Variants in DENND2A observed in about 807,000 individuals in gnomAD.
The protein encoded by DENND2A is DENN domain containing 2A.
DENND2A carries 53 observed loss-of-function variants against 105.3 expected under a neutral mutation model. The ratio of observed to expected loss-of-function variants is 0.50; its 90% CI spans 0.40 to 0.63. The LOEUF (loss-of-function observed/expected upper bound fraction) is 0.63, where lower values mean the gene tolerates loss of function less well. Ranked by LOEUF, DENND2A falls within the 30% of genes least tolerant of loss-of-function variation. The pLI is 0.00. For synonymous variants in DENND2A, 522 were observed against 508.4 expected (o/e 1.03, Z -0.36); for missense variants, 1,138 against 1,279.6 (o/e 0.89, Z 1.69).
intron 11 of DENND2A, among the ~76,000 whole-genome samples, chr7:140,556,650 C>T (rs994828663): frequency 6.6e-6 from 1 of 152,206 alleles, no homozygotes; most frequent in Non-Finnish European, 1.5e-5. Flanking sequence ...AGTCTCAATA[C>T]TTTAACCCTA....
At position 140,544,735 on chromosome 7, in the gene DENND2A, C is replaced by T. The variant is rs1454407510; in HGVS notation, c.2210G>A (p.Arg737Gln). 19 of 1,601,524 alleles carry T rather than the reference C, an allele frequency of 1.2e-5. No individual in the cohort carries two copies. Among genetic ancestry groups the T allele is most frequent in the Admixed American group, 3.5e-5 (2 of 56,924 alleles). Reference sequence around the variant, plus strand: ...AGACTCAAAGTCCACGTGCTCGAGCCGGGAGTCCAGCGGGCGGCACAGTTC... The same window carrying T: ...AGACTCAAAGTCCACGTGCTCGAGCTGGGAGTCCAGCGGGCGGCACAGTTC... ...VIELCRPLDSRLEHVDFESLF... is the reference protein window; with the variant it reads ...VIELCRPLDSQLEHVDFESLF... The change falls in exon 14 of 20, where the codon CGG becomes CAG. Residue 737 changes from arginine to glutamine, a missense_variant. Around this residue, in one of 2 missense-constraint regions of DENND2A, gnomAD observed 627 missense variants for 779.8 expected, o/e 0.80. Coordinates refer to ENST00000496613, the MANE Select transcript of DENND2A (RefSeq NM_015689.5).
At chr7:140,585,193 C>T (rs1164525479) in intron 5 of DENND2A, among the ~76,000 whole-genome samples, 3 of 152,112 alleles carry the variant, frequency 2.0e-5, no homozygotes, top group Non-Finnish European at 2.9e-5. Context: ...GCGACAACAC[C>T]CTGACTCAAT....
In DENND2A at chr7:140,523,476, G is replaced by T. The variant is rs756628386; in HGVS notation, c.2548-52C>A. On this transcript the variant is annotated intron_variant, in intron 16 of 19. Transcript: ENST00000496613. The surrounding 1 kb of genome is among the most constrained non-coding windows in gnomAD (Gnocchi z 4.5). ...TTATGGGCACGGTGGCTGCGTCTTGGCCATAGGACACACTGGAGCCACTGC... is the reference window on the plus strand; with the variant it reads ...TTATGGGCACGGTGGCTGCGTCTTGTCCATAGGACACACTGGAGCCACTGC... 2.6e-6 allele frequency: 4 copies of T among 1,522,796 alleles called. No homozygotes were observed. Among genetic ancestry groups the T allele is most frequent in the Non-Finnish European group, 3.6e-6 (4 of 1,100,164 alleles). The allele number at this position is 1,522,796 out of a possible 1,614,324, so 94.3% of individuals were successfully genotyped here.
intron 14 of DENND2A, among the ~76,000 whole-genome samples, chr7:140,529,004 T>C (rs1796161123): frequency 6.7e-6 from 1 of 149,186 alleles, no homozygotes. Context: ...ACTTAGGAGG[T>C]TGAGGTGGGA....
intron 3 of DENND2A, 129 bp from the exon 4 acceptor site, chr7:140,587,909 T>A: frequency 9.2e-7 from 1 of 1,081,370 alleles, no homozygotes; most frequent in South Asian, 2.0e-5. Flanking sequence ...GAAATCAACT[T>A]TTATTTTATT....
At chr7:140,573,500 T>C (rs1798177485) in intron 6 of DENND2A, among the ~76,000 whole-genome samples, 1 of 152,218 alleles carries the variant, frequency 6.6e-6, no homozygotes, top group Non-Finnish European at 1.5e-5. Context: ...GATGGAGTTC[T>C]GTTTTTTGTG....
chr7:140,587,478 AC>A (rs1261917709), intron 4 of DENND2A, among the ~76,000 whole-genome samples, 174 bp downstream of exon 4: 1 of 151,880 alleles, frequency 6.6e-6, no homozygotes, highest in Non-Finnish European at 1.5e-5. Flanking sequence ...CATATATCCC[AC>A]AAGGCTCACT....
At chr7:140,520,066 G>A (rs1795799549) in intron 18 of DENND2A, among the ~76,000 whole-genome samples, 4 of 152,152 alleles carry the variant, frequency 2.6e-5, no homozygotes, top group African/African-American at 9.6e-5. Flanking sequence ...CACTTTGGGA[G>A]GCTGAGGTGG....
intron 1 of DENND2A, among the ~76,000 whole-genome samples, chr7:140,633,982 G>T (rs959370840): frequency 7.9e-5 from 12 of 151,560 alleles, no homozygotes; most frequent in African/African-American, 2.9e-4. Flanking sequence ...ATGGAATTGC[G>T]AGATTAAAAT....
chr7:140,612,010 G>A (rs1331909887), intron 1 of DENND2A, among the ~76,000 whole-genome samples: 1 of 152,188 alleles, frequency 6.6e-6, no homozygotes, highest in Non-Finnish European at 1.5e-5. Context: ...GGAGGCAGAG[G>A]CAGGTGGATC....
intron 1 of DENND2A, among the ~76,000 whole-genome samples, chr7:140,617,371 G>A (rs2130713888): frequency 6.6e-6 from 1 of 152,296 alleles, no homozygotes; most frequent in Non-Finnish European, 1.5e-5. Context: ...AGCATCAACG[G>A]AGTAATTTCA....
chr7:140,601,334 G>C, intron 3 of DENND2A, 69 bp downstream of exon 3: 1 of 1,513,488 alleles, frequency 6.6e-7, no homozygotes, highest in Non-Finnish European at 8.8e-7. Context: ...AGAACAGACG[G>C]TTATGATGGG....
intron 6 of DENND2A, among the ~76,000 whole-genome samples, chr7:140,572,546 C>T (rs553148454): frequency 7.9e-5 from 12 of 151,356 alleles, no homozygotes; most frequent in South Asian, 4.2e-4. Context: ...GCGGATCACG[C>T]GGTCAGCAGT....
intron 12 of DENND2A, among the ~76,000 whole-genome samples, chr7:140,547,600 T>G (rs1796959609): frequency 6.6e-6 from 1 of 152,070 alleles, no homozygotes; most frequent in East Asian, 1.9e-4. Flanking sequence ...AAACATAGAG[T>G]TACCATATGA....
chr7:140,620,186 ACT>A (rs1800230418), intron 1 of DENND2A, among the ~76,000 whole-genome samples: 1 of 151,940 alleles, frequency 6.6e-6, no homozygotes, highest in African/African-American at 2.4e-5. Flanking sequence ...ACAGAGTAAG[ACT>A]CTGTCTCAAA....
At chr7:140,633,459 G>C (rs1017352239) in intron 1 of DENND2A, among the ~76,000 whole-genome samples, 5 of 152,048 alleles carry the variant, frequency 3.3e-5, no homozygotes, top group Admixed American at 2.0e-4. Flanking sequence ...CTGGCCTAAT[G>C]CTCTCTTTTT....
At chr7:140,528,535 C>G (rs1451755638) in intron 14 of DENND2A, among the ~76,000 whole-genome samples, 1 of 148,810 alleles carries the variant, frequency 6.7e-6, no homozygotes, top group Non-Finnish European at 1.5e-5. Flanking sequence ...TTTGGGAGGC[C>G]GAGGTGAGTG....
chr7:140,557,533 T>TATATATATATA (rs1563139334), intron 11 of DENND2A, among the ~76,000 whole-genome samples: 4 of 13,996 alleles, frequency 2.9e-4, no homozygotes, highest in Non-Finnish European at 2.8e-4. Flanking sequence ...ATATATATAT[T>TATATATATATA]TTTTTTTTTT....
At chr7:140,585,813 T>C in intron 4 of DENND2A, 103 bp from the exon 5 acceptor site, 1 of 1,530,898 alleles carries the variant, frequency 6.5e-7, no homozygotes, top group South Asian at 1.2e-5. Context: ...TCCATTCTTG[T>C]AGGCATATCT....
Sources: gnomAD v4.1 joint callset for allele counts (sites outside exome capture counted in the v4.1 genomes callset) on GRCh38, gnomAD v4.1.1 for gene constraint, gnomAD v4.1.1 regional missense constraint, Gnocchi (gnomAD v3.1) non-coding constraint, MANE v1.5 for transcripts, NCBI Gene and HGNC (gene_info 2026-07-23, HGNC 2026-07-21) for gene names.